Variants in ACSBG1 observed in about 807,000 individuals in gnomAD.
The protein encoded by ACSBG1 is acyl-CoA synthetase bubblegum family member 1, also known as long-chain-fatty-acid--CoA ligase ACSBG1.
In ACSBG1, 39 loss-of-function variants were observed where a neutral mutation model predicts 80.2. The ratio of observed to expected loss-of-function variants is 0.49; its 90% confidence interval spans 0.38 to 0.64. The LOEUF (loss-of-function observed/expected upper bound fraction) is 0.64, where lower values mean the gene tolerates loss of function less well. ACSBG1 is among the 30% of genes least tolerant of loss of function. ACSBG1 has a pLI of 0.00. For synonymous variants in ACSBG1, 392 were observed against 379.5 expected, an observed-to-expected ratio of 1.03 and a Z score of -0.38; for missense variants, 828 against 966.4, an observed-to-expected ratio of 0.86 and a Z score of 1.90.
intron 1 of ACSBG1, among the ~76,000 whole-genome samples, chr15:78,227,435 C>A (rs1356139795): frequency 6.6e-6 from 1 of 151,732 alleles, no homozygotes; most frequent in African/African-American, 2.4e-5. Context: ...TGGAAATAAC[C>A]AATAAGCACA....
At chr15:78,194,842 A>T in intron 2 of ACSBG1, 116 bp from the exon 3 acceptor site, 1 of 1,041,864 alleles carries the variant, frequency 9.6e-7, no homozygotes, top group East Asian at 2.6e-5. Flanking sequence ...CTCGGCCTTG[A>T]GGCTGGCAGG....
At chr15:78,174,690 C>T (rs1407753739) in intron 11 of ACSBG1, 166 bp from the exon 12 acceptor site, 10 of 751,222 alleles carry the variant, frequency 1.3e-5, no homozygotes, top group Non-Finnish European at 1.5e-5. Context: ...CTCACACCTG[C>T]TTGGGGGCTG....
At position 78,215,427 on chromosome 15, in the gene ACSBG1, C is replaced by T. The variant is rs541087192; in HGVS notation, c.132-7325G>A. On this transcript the variant is annotated intron_variant, in intron 1 of 13. Coordinates refer to ENST00000258873, the MANE Select transcript of ACSBG1 (RefSeq NM_015162.5). Reference sequence around the variant, plus strand: ...ATCCCAACACTTTGGGAGGCCGAGGCGGGTGGATCACCTGAGGTCAAGAGT... The same window carrying T: ...ATCCCAACACTTTGGGAGGCCGAGGTGGGTGGATCACCTGAGGTCAAGAGT... Among the ~76,000 whole-genome samples the T allele has an allele frequency of 1.4e-4, 22 of 152,218 alleles. 4 individuals are homozygous for T. The highest frequency in any genetic ancestry group is 8.5e-4 in the Admixed American group (13 of 15,280).
At chr15:78,184,250 T>A (rs1178006884) in intron 5 of ACSBG1, among the ~76,000 whole-genome samples, 2 of 152,188 alleles carry the variant, frequency 1.3e-5, no homozygotes, top group Non-Finnish European at 2.9e-5. Context: ...CATGGCCCAC[T>A]GCAGCCTCAA....
Position 78,173,815 on chromosome 15 carries a change from C to A in ACSBG1, c.1867G>T (p.Asp623Tyr). ...LKCTLDPDTS[D>Y]QTDNLTEQAM... ...TGTTCAGTCAGATTATCAGTCTGGT[C>A]AGAGGTGTCTGGGTCCAGAGTGCAC... The change falls in exon 13 of 14, where the codon GAC becomes TAC. Residue 623 changes from aspartate (D) to tyrosine (Y), a missense_variant. By Grantham distance (160) the Asp-to-Tyr change is radical. This residue lies in a region of ACSBG1 where 201 missense variants were observed against 227.0 expected (regional missense o/e 0.89). Coordinates refer to ENST00000258873, the MANE Select transcript of ACSBG1 (RefSeq NM_015162.5). 6.2e-7 allele frequency: 1 copy of A among 1,614,032 alleles called. No homozygotes were observed. Among genetic ancestry groups the A allele is most frequent in the South Asian group, 1.1e-5 (1 of 90,964 alleles).
At chr15:78,181,205 CT>C in intron 8 of ACSBG1, 1 of 444,508 alleles carries the variant, frequency 2.2e-6, no homozygotes. Context: ...ATGAGTCTAA[CT>C]TAGACACAAG....
intron 1 of ACSBG1, chr15:78,209,126 AG>A: frequency 2.2e-6 from 1 of 455,810 alleles, no homozygotes; most frequent in South Asian, 1.5e-5. Context: ...CCCAGTTCCC[AG>A]GAAGCCGGGC....
intron 1 of ACSBG1, among the ~76,000 whole-genome samples, chr15:78,224,436 T>C (rs921847544): frequency 2.0e-5 from 3 of 152,200 alleles, no homozygotes; most frequent in Non-Finnish European, 4.4e-5. Flanking sequence ...TTATTCAAGC[T>C]GGGCCGGGCG....
At chr15:78,187,161 C>T (rs947274844) in intron 5 of ACSBG1, among the ~76,000 whole-genome samples, 5 of 152,214 alleles carry the variant, frequency 3.3e-5, no homozygotes, top group Admixed American at 6.5e-5. Flanking sequence ...ATAACAGGCT[C>T]TGAAATTGTG....
intron 1 of ACSBG1, among the ~76,000 whole-genome samples, chr15:78,226,785 A>ATAT (rs2075404553): frequency 1.1e-4 from 9 of 78,434 alleles, no homozygotes; most frequent in African/African-American, 4.3e-4. Context: ...CACATAGAAA[A>ATAT]ATATATATAT....
At chr15:78,189,643 A>T (rs2141342332) in intron 5 of ACSBG1, among the ~76,000 whole-genome samples, 1 of 145,134 alleles carries the variant, frequency 6.9e-6, no homozygotes, top group Middle Eastern at 3.5e-3. Flanking sequence ...GGACACAGGA[A>T]GGGGAACATC....
At chr15:78,188,978 AAAAC>A (rs2075032239) in intron 5 of ACSBG1, among the ~76,000 whole-genome samples, 2 of 149,456 alleles carry the variant, frequency 1.3e-5, no homozygotes, top group East Asian at 3.9e-4. Context: ...TTACAAGAAA[AAAAC>A]AAACAACCCC....
chr15:78,215,735 A>AAAGAAAGGAAGAAAGAAAGAAAGG (rs1555434019), intron 1 of ACSBG1, among the ~76,000 whole-genome samples: 1 of 125,254 alleles, frequency 8.0e-6, no homozygotes, highest in Non-Finnish European at 1.7e-5. Context: ...AGAAAGAAAG[A>AAAGAAAGGAAGAAAGAAAGAAAGG]AAGAAAGAAA....
chr15:78,187,720 G>A (rs1327168454), intron 5 of ACSBG1, among the ~76,000 whole-genome samples: 3 of 152,028 alleles, frequency 2.0e-5, no homozygotes, highest in East Asian at 3.9e-4. Flanking sequence ...CCAATATCAT[G>A]CTGAATGGGC....
At chr15:78,232,940 C>G (rs923326563) in intron 1 of ACSBG1, among the ~76,000 whole-genome samples, 1 of 152,186 alleles carries the variant, frequency 6.6e-6, no homozygotes, top group Admixed American at 6.5e-5. Context: ...CTCAGCCTCC[C>G]AAAGTGCTGG....
intron 5 of ACSBG1, among the ~76,000 whole-genome samples, chr15:78,183,354 G>A (rs1258634729): frequency 6.6e-6 from 1 of 151,592 alleles, no homozygotes; most frequent in Non-Finnish European, 1.5e-5. Context: ...AGGTGGGAGG[G>A]TCATTTGAGG....
chr15:78,225,751 C>G (rs1036373237), intron 1 of ACSBG1, among the ~76,000 whole-genome samples: 3 of 151,950 alleles, frequency 2.0e-5, no homozygotes, highest in Non-Finnish European at 4.4e-5. Flanking sequence ...TATTATGTAA[C>G]AAATATCCCA....
In ACSBG1 at chr15:78,169,671, C is replaced by A. The variant is rs979814943; in HGVS notation, c.*1773G>T. 1.3e-5 allele frequency: 2 copies of A among 152,176 alleles called. No homozygotes were observed. Among genetic ancestry groups the A allele is most frequent in the African/African-American group, 2.4e-5 (1 of 41,444 alleles). 9.4% of individuals were successfully genotyped at this position (152,176 alleles called of 1,614,324 possible). On this transcript the variant is annotated 3_prime_UTR_variant, in exon 14 of 14. Transcript: ENST00000258873. The stretch of plus-strand genomic sequence containing the variant: ...AGGTAATATATTGGATACAAAGACA[C>A]AAATGTATTGTGTGTTCAATTATTT...
chr15:78,190,028 A>G (rs1018265731), intron 5 of ACSBG1, among the ~76,000 whole-genome samples: 3 of 152,188 alleles, frequency 2.0e-5, no homozygotes, highest in Admixed American at 6.5e-5. Context: ...ACTTGGATCT[A>G]CATAAAGGAA....
Sources: allele counts gnomAD v4.1 joint callset (sites outside exome capture counted in the v4.1 genomes callset), GRCh38; gene constraint gnomAD v4.1.1; regional missense constraint gnomAD v4.1.1; transcripts MANE v1.5; gene names NCBI Gene and HGNC (gene_info 2026-07-23, HGNC 2026-07-21).